PTGES3: variants seen among roughly 807,000 people sequenced by gnomAD.
The protein encoded by PTGES3 is prostaglandin E synthase 3.
Under a neutral mutation model 29.9 loss-of-function variants are expected in PTGES3, and 5 were observed. That is an observed-to-expected ratio of 0.17 (90% CI 0.09 to 0.35). The LOEUF (loss-of-function observed/expected upper bound fraction) is 0.35. Among genes scored for constraint, PTGES3 ranks in the 10% least tolerant of loss-of-function variants. The pLI is 1.00. For missense variants in PTGES3, 128 were observed against 190.0 expected (o/e 0.67, Z 1.92); for synonymous variants, 49 against 57.8 (o/e 0.85, Z 0.69).
At chr12:56,670,221 A>T in intron 5 of PTGES3, 54 bp downstream of exon 5, 1 of 1,205,916 alleles carries the variant, frequency 8.3e-7, no homozygotes, top group East Asian at 2.3e-5. Context: ...AATTGACTAC[A>T]TAGACAGGTA....
At position 56,664,649 on chromosome 12, in the gene PTGES3, T is replaced by G. The variant is rs181185562; in HGVS notation, c.463+127A>C. ...GCTATCAAGTTATTCACATTTCTGC[T>G]TTGGTTATTTATTCAAGGTCATAAA... On this transcript the variant is annotated intron_variant, in intron 7 of 7. Coordinates refer to ENST00000262033, the MANE Select transcript of PTGES3 (RefSeq NM_006601.7). The G allele has an allele frequency of 2.0e-5, 28 of 1,384,300 alleles. No individual in the cohort carries two copies. In the African/African-American group the frequency reaches 3.7e-4, roughly 18 times the overall value. 85.8% of individuals were successfully genotyped at this position (1,384,300 alleles called of 1,614,324 possible). A position where few individuals can be genotyped will look rare whatever the true frequency, so the allele number is the denominator to read the frequency against.
At chr12:56,678,929 C>G (rs1952394944) in intron 1 of PTGES3, among the ~76,000 whole-genome samples, 1 of 152,022 alleles carries the variant, frequency 6.6e-6, no homozygotes, top group African/African-American at 2.4e-5. Flanking sequence ...CCAGCCTGGG[C>G]AACACTGCGA....
chr12:56,665,042 C>A (rs773228707), intron 6 of PTGES3: 198 of 985,134 alleles, frequency 2.0e-4, no homozygotes, highest in Non-Finnish European at 2.3e-4. Flanking sequence ...TTTAGCCCAC[C>A]CGTTGAATCC....
chr12:56,667,369 G>GA (rs1385569944), intron 5 of PTGES3, among the ~76,000 whole-genome samples: 9 of 151,862 alleles, frequency 5.9e-5, no homozygotes, highest in East Asian at 1.9e-4. Flanking sequence ...CATATGCATG[G>GA]AAAAAAAATC....
chr12:56,664,998 C>T (rs1232610917), intron 6 of PTGES3, 198 bp from the exon 7 acceptor site: 2 of 985,234 alleles, frequency 2.0e-6, no homozygotes, highest in African/African-American at 3.5e-5. Context: ...GATTTATCTA[C>T]CTATAAAAAA....
intron 5 of PTGES3, 51 bp from the exon 6 acceptor site, chr12:56,666,317 A>G (rs1291992090): frequency 1.3e-6 from 2 of 1,588,528 alleles, no homozygotes; most frequent in Non-Finnish European, 1.7e-6. Context: ...GTTAGGCCCT[A>G]ATTATTAATG....
At chr12:56,684,711 T>C (rs1305667654) in intron 1 of PTGES3, among the ~76,000 whole-genome samples, 1 of 152,206 alleles carries the variant, frequency 6.6e-6, no homozygotes, top group Non-Finnish European at 1.5e-5. Flanking sequence ...AAATGCGAAG[T>C]AGCACCCTCT....
At chr12:56,687,605 A>C in intron 1 of PTGES3, 1 of 1,085,036 alleles carries the variant, frequency 9.2e-7, no homozygotes, top group Admixed American at 5.1e-5. Context: ...CGGGACCACA[A>C]AGCAACAGAA....
intron 1 of PTGES3, among the ~76,000 whole-genome samples, chr12:56,677,542 A>G (rs1565870835): frequency 6.6e-6 from 1 of 152,104 alleles, no homozygotes; most frequent in Non-Finnish European, 1.5e-5. Context: ...AAAGAAAAAT[A>G]TATATAGTTT....
chr12:56,678,308 G>C (rs948270299), intron 1 of PTGES3, among the ~76,000 whole-genome samples: 5 of 152,186 alleles, frequency 3.3e-5, no homozygotes, highest in Non-Finnish European at 7.4e-5. Flanking sequence ...CCCTTGAGTA[G>C]CTGGGATTAC....
intron 7 of PTGES3, 79 bp from the exon 8 acceptor site, chr12:56,664,577 C>A: frequency 6.7e-7 from 1 of 1,485,078 alleles, no homozygotes; most frequent in Non-Finnish European, 9.2e-7. Flanking sequence ...GGAAAAGCAA[C>A]CAAAAATCGA....
At chr12:56,665,004 A>G in intron 6 of PTGES3, 1 of 985,416 alleles carries the variant, frequency 1.0e-6, no homozygotes. Flanking sequence ...TCTACCTATA[A>G]AAAATGATGT....
At chr12:56,673,928 A>G (rs1269077228) in intron 1 of PTGES3, among the ~76,000 whole-genome samples, 1 of 152,040 alleles carries the variant, frequency 6.6e-6, no homozygotes, top group Non-Finnish European at 1.5e-5. Context: ...AGATCATGCC[A>G]CTGCAATCCA....
At chr12:56,679,619 T>C (rs1952433858) in intron 1 of PTGES3, among the ~76,000 whole-genome samples, 1 of 152,196 alleles carries the variant, frequency 6.6e-6, no homozygotes. Context: ...CCAGTATAAT[T>C]AGTTTAGAAG....
chr12:56,669,745 G>C (rs189198135), intron 5 of PTGES3, among the ~76,000 whole-genome samples: 84 of 152,070 alleles, frequency 5.5e-4, no homozygotes, highest in African/African-American at 1.9e-3. Context: ...GAGTAGGTGG[G>C]ACCACAGGTG....
In PTGES3 at chr12:56,688,132, AGGCGAC is replaced by A; in HGVS notation, c.-139_-134del. 1 of 1,397,188 alleles carries A rather than the reference AGGCGAC, an allele frequency of 7.2e-7. No homozygotes were observed. The highest frequency in any genetic ancestry group is 9.3e-7 in the Non-Finnish European group (1 of 1,076,760). 86.5% of individuals were successfully genotyped at this position (1,397,188 alleles called of 1,614,324 possible). A position where few individuals can be genotyped will look rare whatever the true frequency, so the allele number is the denominator to read the frequency against. ...GTCGCGGCCTCTTCTCGCTTCCCTC[AGGCGAC>A]GGCGGCAGCGGCGGGCTCGACCTCG... On this transcript the variant is annotated 5_prime_UTR_variant, in exon 1 of 8. Coordinates refer to ENST00000262033, the MANE Select transcript of PTGES3 (RefSeq NM_006601.7).
chr12:56,681,537 C>CAAA lies in PTGES3; in HGVS notation c.2+6458_2+6460dup, dbSNP rs34581651. On this transcript the variant is annotated intron_variant, in intron 1 of 7. Transcript: ENST00000262033. ...TGGGCAACAGAGTGAGACTCCATCT[C>CAAA]AAAAAAAAAAAAAAAAAAAAAAAAG... Among the ~76,000 whole-genome samples the CAAA allele has an allele frequency of 9.4e-3, 240 of 25,636 alleles. 23 individuals are homozygous for CAAA. Among genetic ancestry groups the CAAA allele is most frequent in the African/African-American group, 0.031 (141 of 4,572 alleles). The allele number at this position is 25,636 out of a possible 152,430, so 16.8% of individuals were successfully genotyped here.
Position 56,665,160 on chromosome 12 carries a change from A to G in PTGES3, c.439-360T>C, listed in dbSNP as rs955363106. On this transcript the variant is annotated intron_variant, in intron 6 of 7. Transcript: ENST00000262033. ...CTCTAATCCTAGCTGTTGAGTGAAT[A>G]TTAAGTGTTTTTCTAAATAGCATTA... 4.2e-5 allele frequency: 41 copies of G among 985,174 alleles called. 1 individual carries two copies. The highest frequency in any genetic ancestry group is 4.7e-5 in the Non-Finnish European group (39 of 829,832). 61.0% of individuals were successfully genotyped at this position (985,174 alleles called of 1,614,324 possible).
At chr12:56,681,242 G>A (rs1279545039) in intron 1 of PTGES3, among the ~76,000 whole-genome samples, 1 of 150,162 alleles carries the variant, frequency 6.7e-6, no homozygotes, top group Non-Finnish European at 1.5e-5. Flanking sequence ...GTGTAAATGG[G>A]TATTTTAAGA....
Sources: allele counts gnomAD v4.1 joint callset (sites outside exome capture counted in the v4.1 genomes callset), GRCh38; gene constraint gnomAD v4.1.1; transcripts MANE v1.5; gene names NCBI Gene and HGNC (gene_info 2026-07-23, HGNC 2026-07-21).